CEP126: variants seen among roughly 807,000 people sequenced by gnomAD.
CEP126 encodes the protein centrosomal protein 126.
Under a neutral mutation model 107.8 loss-of-function variants are expected in CEP126, and 74 were observed. That is an observed-to-expected ratio of 0.69 (90% CI 0.57 to 0.83). The LOEUF (loss-of-function observed/expected upper bound fraction) is 0.83, where lower values mean the gene tolerates loss of function less well. CEP126 is among the 40% of genes least tolerant of loss of function. CEP126 has a pLI of 0.00. For synonymous variants in CEP126, 449 were observed against 446.0 expected (o/e 1.01, Z -0.08); for missense variants, 1,237 against 1,281.9 (o/e 0.96, Z 0.53).
chr11:101,969,719 C>G (rs59472507), intron 6 of CEP126, among the ~76,000 whole-genome samples: 2 of 152,030 alleles, frequency 1.3e-5, no homozygotes, highest in African/African-American at 4.8e-5. Context: ...ATTATTAAAG[C>G]TAAAGTAATT....
intron 6 of CEP126, among the ~76,000 whole-genome samples, chr11:101,965,754 GA>G (rs1466242762): frequency 6.6e-6 from 1 of 152,080 alleles, no homozygotes; most frequent in Non-Finnish European, 1.5e-5. Flanking sequence ...ATAATGCTGA[GA>G]AATAAATATT....
intron 6 of CEP126, among the ~76,000 whole-genome samples, chr11:101,966,044 T>C (rs980850539): frequency 3.4e-4 from 51 of 152,192 alleles, no homozygotes; most frequent in African/African-American, 1.2e-3. Flanking sequence ...GGATACATTT[T>C]ATCTGGAGAA....
In CEP126 at chr11:101,998,657, C is replaced by G. The variant is rs933126697; in HGVS notation, c.*1014C>G. 2.8e-5 allele frequency: 4 copies of G among 143,290 alleles called. No individual in the cohort carries two copies. Among genetic ancestry groups the G allele is most frequent in the Admixed American group, 7.1e-5 (1 of 14,082 alleles). The allele number at this position is 143,290 out of a possible 1,614,324, so 8.9% of individuals were successfully genotyped here. A position where few individuals can be genotyped will look rare whatever the true frequency, so the allele number is the denominator to read the frequency against. On this transcript the variant is annotated 3_prime_UTR_variant, in exon 11 of 11. Coordinates refer to ENST00000263468, the MANE Select transcript of CEP126 (RefSeq NM_020802.4). ...TTAAGAGTTTTAAGAAAACATGTGG[C>G]CTTTTATTAATAACACTACTAAATT...
intron 10 of CEP126, 105 bp from the exon 11 acceptor site, chr11:101,997,494 T>C (rs1274020415): frequency 7.0e-6 from 11 of 1,562,930 alleles, no homozygotes; most frequent in African/African-American, 1.4e-5. Context: ...GGGAGAATGA[T>C]GTCAGGATGT....
chr11:101,968,694 A>G (rs957357475), intron 6 of CEP126, among the ~76,000 whole-genome samples: 6 of 152,222 alleles, frequency 3.9e-5, no homozygotes, highest in Admixed American at 1.3e-4. Flanking sequence ...CTAAAAAGGA[A>G]CAAAGATTGT....
intron 4 of CEP126, among the ~76,000 whole-genome samples, chr11:101,948,355 C>T (rs1940766885): frequency 6.6e-6 from 1 of 151,996 alleles, no homozygotes; most frequent in South Asian, 2.1e-4. Context: ...CTTGGTATTA[C>T]AAAATACTAT....
chr11:101,956,779 C>T (rs574062357), intron 4 of CEP126: 6 of 449,998 alleles, frequency 1.3e-5, no homozygotes, highest in South Asian at 4.7e-5. Flanking sequence ...CTTCCTTTCC[C>T]CCTATTCTTC....
intron 2 of CEP126, among the ~76,000 whole-genome samples, chr11:101,926,797 C>T (rs1007304599): frequency 2.0e-5 from 3 of 152,170 alleles, no homozygotes; most frequent in South Asian, 2.1e-4. Flanking sequence ...TTTCTATAAT[C>T]TTTCATATAG....
intron 4 of CEP126, chr11:101,956,735 G>T (rs1325475510): frequency 6.6e-6 from 3 of 454,660 alleles, no homozygotes; most frequent in South Asian, 1.6e-5. Context: ...TCCCTCTCCA[G>T]TTTCTCCTGT....
intron 9 of CEP126, among the ~76,000 whole-genome samples, chr11:101,990,218 AG>A (rs887905936): frequency 1.3e-5 from 2 of 152,108 alleles, no homozygotes; most frequent in African/African-American, 4.8e-5. Context: ...TGTGTTCATG[AG>A]GCAAATAGGA....
intron 10 of CEP126, among the ~76,000 whole-genome samples, chr11:101,993,923 T>C (rs1174800308): frequency 6.6e-6 from 1 of 152,166 alleles, no homozygotes; most frequent in East Asian, 1.9e-4. Context: ...GTTAATTCAT[T>C]TTAGGTTCCT....
At chr11:101,995,368 T>C (rs568972188) in intron 10 of CEP126, among the ~76,000 whole-genome samples, 1 of 152,146 alleles carries the variant, frequency 6.6e-6, no homozygotes, top group Admixed American at 6.5e-5. Context: ...AACATGAACA[T>C]GGATACACAT....
intron 2 of CEP126, among the ~76,000 whole-genome samples, chr11:101,934,009 G>A (rs1169751593): frequency 6.6e-6 from 1 of 151,948 alleles, no homozygotes; most frequent in African/African-American, 2.4e-5. Context: ...GTGATATCAT[G>A]GAAAGTGTGA....
Position 101,922,734 on chromosome 11 carries a change from T to G in CEP126, c.222T>G (p.Tyr74Ter). The G allele has an allele frequency of 6.2e-7, 1 of 1,612,668 alleles. No individual in the cohort carries two copies. Among genetic ancestry groups the G allele is most frequent in the Non-Finnish European group, 8.5e-7 (1 of 1,179,016 alleles). ...TATGTCGAAATCGAGCACGTAAATA[T>G]TTTGTGGAGTCAAATCGGAGAAAAA... ...QKICRNRARK[Y>*]FVESNRRKKA... The change falls in exon 2 of 11, where the codon TAT (tyrosine) becomes TAG (stop). Residue 74 changes from tyrosine to a stop codon, truncating the protein, a stop_gained. Coordinates refer to ENST00000263468, the MANE Select transcript of CEP126 (RefSeq NM_020802.4). LOFTEE classifies it high-confidence loss of function.
chr11:101,915,317 G>A lies in CEP126; in HGVS notation c.33G>A (p.Ala11=). The change falls in exon 1 of 11, where the codon GCG becomes GCA. Residue 11 remains alanine (A), a synonymous_variant. Coordinates refer to ENST00000263468, the MANE Select transcript of CEP126 (RefSeq NM_020802.4). ...CGGGGAGGCCCGGAACCCGGAGCGC[G>A]GTCGGGGAACTGGGCACTGAATCAT... MLAGRPGTRS[A]VGELGTESSD... 1 of 1,613,868 alleles carries A rather than the reference G, an allele frequency of 6.2e-7. No individual in the cohort carries two copies. The highest frequency in any genetic ancestry group is 8.5e-7 in the Non-Finnish European group (1 of 1,179,978).
intron 1 of CEP126, among the ~76,000 whole-genome samples, chr11:101,918,358 A>C (rs571774779): frequency 2.6e-5 from 4 of 152,144 alleles, no homozygotes; most frequent in Non-Finnish European, 5.9e-5. Context: ...TGAGGCAGGA[A>C]GATTGCTTGA....
At chr11:101,931,818 T>C (rs1940504284) in intron 2 of CEP126, among the ~76,000 whole-genome samples, 1 of 152,218 alleles carries the variant, frequency 6.6e-6, no homozygotes, top group Non-Finnish European at 1.5e-5. Flanking sequence ...ACGGTTGCCA[T>C]GATGTTTATT....
At chr11:101,931,250 A>C (rs1024482257) in intron 2 of CEP126, among the ~76,000 whole-genome samples, 6 of 152,062 alleles carry the variant, frequency 3.9e-5, no homozygotes, top group Non-Finnish European at 7.4e-5. Context: ...AATTCTATGA[A>C]TCTTTATTGT....
At chr11:101,956,503 A>G (rs1208917527) in intron 4 of CEP126, 1 of 456,352 alleles carries the variant, frequency 2.2e-6, no homozygotes, top group Non-Finnish European at 4.4e-6. Context: ...TCTCCCTTGC[A>G]TCTCCCTGTC....
Sources: allele counts gnomAD v4.1 joint callset (sites outside exome capture counted in the v4.1 genomes callset), GRCh38; gene constraint gnomAD v4.1.1; transcripts MANE v1.5; gene names NCBI Gene and HGNC (gene_info 2026-07-23, HGNC 2026-07-21).